ZNF385D: variants seen among roughly 807,000 people sequenced by gnomAD.
The protein encoded by ZNF385D is zinc finger protein 659.
A neutral mutation model predicts 35.8 loss-of-function variants in ZNF385D; 15 were observed. The ratio of observed to expected loss-of-function variants is 0.42; its 90% CI spans 0.28 to 0.64. The LOEUF (loss-of-function observed/expected upper bound fraction) is 0.64. Among genes scored for constraint, ZNF385D ranks in the 30% least tolerant of loss-of-function variants. The pLI is 0.23. For missense variants in ZNF385D, 474 were observed against 494.6 expected, an observed-to-expected ratio of 0.96 and a Z score of 0.39; for synonymous variants, 212 against 186.8, an observed-to-expected ratio of 1.13 and a Z score of -1.10.
intron 2 of ZNF385D, among the ~76,000 whole-genome samples, chr3:21,658,690 T>G (rs2066147187): frequency 1.3e-5 from 2 of 152,052 alleles, no homozygotes; most frequent in Non-Finnish European, 2.9e-5. Context: ...ATAAAAAATA[T>G]GCATATGGTA....
intron 2 of ZNF385D, among the ~76,000 whole-genome samples, chr3:22,335,556 C>T (rs1391766888): frequency 6.6e-6 from 1 of 152,008 alleles, no homozygotes; most frequent in African/African-American, 2.4e-5. Context: ...TATTGAATAC[C>T]CTCTTACAGA....
At chr3:22,331,185 C>T (rs1461585034) in intron 2 of ZNF385D, among the ~76,000 whole-genome samples, 1 of 152,162 alleles carries the variant, frequency 6.6e-6, no homozygotes, top group Non-Finnish European at 1.5e-5. Flanking sequence ...TTATTCTAAA[C>T]ATCAGTAATG....
At chr3:21,638,540 G>A (rs1263664165) in intron 2 of ZNF385D, among the ~76,000 whole-genome samples, 5 of 152,088 alleles carry the variant, frequency 3.3e-5, no homozygotes, top group African/African-American at 1.2e-4. Context: ...AGGAACCAAT[G>A]AGAACATAAA....
At chr3:22,045,986 G>A (rs981678095) in intron 3 of ZNF385D, among the ~76,000 whole-genome samples, 1 of 152,052 alleles carries the variant, frequency 6.6e-6, no homozygotes, top group Non-Finnish European at 1.5e-5. Context: ...GAAAAATAAT[G>A]AGGGAGGGAA....
At chr3:21,945,145 C>CGAATATGTAT (rs1491139694) in intron 3 of ZNF385D, among the ~76,000 whole-genome samples, 1 of 151,138 alleles carries the variant, frequency 6.6e-6, no homozygotes, top group African/African-American at 2.4e-5. Flanking sequence ...TATGTATATG[C>CGAATATGTAT]ATATATATAT....
chr3:22,306,047 A>G (rs1703194113), intron 2 of ZNF385D, among the ~76,000 whole-genome samples: 1 of 152,154 alleles, frequency 6.6e-6, no homozygotes, highest in Admixed American at 6.6e-5. Flanking sequence ...AAATTTGAAA[A>G]ATGTCTATAG....
chr3:21,512,319 C>A (rs530783754), intron 3 of ZNF385D, among the ~76,000 whole-genome samples: 1 of 151,904 alleles, frequency 6.6e-6, no homozygotes, highest in Non-Finnish European at 1.5e-5. Context: ...TCCAAATGTC[C>A]CCCACAAAAG....
chr3:21,704,985 A>G (rs2125395130), intron 1 of ZNF385D, among the ~76,000 whole-genome samples: 1 of 152,324 alleles, frequency 6.6e-6, no homozygotes, highest in Non-Finnish European at 1.5e-5. Flanking sequence ...GGTAAACTGC[A>G]GAGGCCCAAG....
intron 1 of ZNF385D, among the ~76,000 whole-genome samples, chr3:21,728,923 ATCTT>A (rs1336292899): frequency 1.3e-5 from 2 of 152,204 alleles, no homozygotes; most frequent in African/African-American, 2.4e-5. Flanking sequence ...GAGCACAGCT[ATCTT>A]TCTTTGTTTT....
At position 21,939,017 on chromosome 3, in the gene ZNF385D, G is replaced by T. The variant is rs143612132; in HGVS notation, c.325+229800C>A. 4.7e-4 allele frequency among the ~76,000 whole-genome samples: 71 copies of T among 152,306 alleles called. 1 individual carries two copies. The East Asian group carries it at 0.013, about 28-fold the overall frequency. Reference sequence around the variant, plus strand: ...GGTATCTGGAATTTGGTTGCTAGAAGTTCTGGATGTCACATTGATGGGGCA... The same window carrying T: ...GGTATCTGGAATTTGGTTGCTAGAATTTCTGGATGTCACATTGATGGGGCA... On this transcript the variant is annotated intron_variant, in intron 3 of 5. Transcript: ENST00000494108.
At chr3:22,004,244 T>C (rs1456575772) in intron 3 of ZNF385D, among the ~76,000 whole-genome samples, 2 of 152,104 alleles carry the variant, frequency 1.3e-5, no homozygotes, top group African/African-American at 4.8e-5. Flanking sequence ...TGGACATCCA[T>C]AGGCAGAAGA....
chr3:22,217,929 T>C lies in ZNF385D; in HGVS notation c.107-48894A>G, dbSNP rs1019325160. On this transcript the variant is annotated intron_variant, in intron 2 of 5. Transcript: ENST00000494108. ...GGAGAATATTAGAACAGCACTCCAATTGGTCACTCCCTCTCTTTCAAATTC... is the reference window on the plus strand; with the variant it reads ...GGAGAATATTAGAACAGCACTCCAACTGGTCACTCCCTCTCTTTCAAATTC... Among the ~76,000 whole-genome samples, 8 of 152,132 alleles carry C rather than the reference T, an allele frequency of 5.3e-5. No individual in the cohort carries two copies. In the South Asian group the frequency reaches 1.0e-3, roughly 20 times the overall value.
intron 3 of ZNF385D, among the ~76,000 whole-genome samples, chr3:22,075,562 C>T (rs1486618255): frequency 6.6e-6 from 1 of 151,864 alleles, no homozygotes; most frequent in Non-Finnish European, 1.5e-5. Flanking sequence ...TTTTCTCTTC[C>T]AGAATGACCA....
chr3:22,203,161 G>A (rs148986015), intron 2 of ZNF385D, among the ~76,000 whole-genome samples: 1 of 152,170 alleles, frequency 6.6e-6, no homozygotes, highest in Non-Finnish European at 1.5e-5. Flanking sequence ...AGAGAGGGAA[G>A]ACAAAGAGGA....
chr3:21,667,136 TAAG>T (rs1316622290), intron 1 of ZNF385D, among the ~76,000 whole-genome samples: 7 of 152,294 alleles, frequency 4.6e-5, no homozygotes, highest in South Asian at 2.1e-4. Context: ...TGGTGAAATT[TAAG>T]AAGTAGTTTT....
chr3:21,573,118 A>C (rs976883527), intron 2 of ZNF385D, among the ~76,000 whole-genome samples: 7 of 152,188 alleles, frequency 4.6e-5, no homozygotes, highest in African/African-American at 1.7e-4. Flanking sequence ...TTTCATCAGC[A>C]AAAGGAAAAA....
chr3:21,794,186 G>A lies in ZNF385D; in HGVS notation c.326-129158C>T, dbSNP rs556509721. On this transcript the variant is annotated intron_variant, in intron 3 of 5. Coordinates refer to the ZNF385D transcript ENST00000494108. ...CCTGATCTCTACCTTTGCGTTCTCC[G>A]CCACCATATGCAACTTGCTGCTTGG... Among the ~76,000 whole-genome samples the A allele has an allele frequency of 2.2e-4, 34 of 152,160 alleles. 1 individual carries two copies. The South Asian group carries it at 5.6e-3, about 25-fold the overall frequency.
chr3:22,214,817 T>C (rs570183808), intron 2 of ZNF385D, among the ~76,000 whole-genome samples: 1 of 152,180 alleles, frequency 6.6e-6, no homozygotes, highest in South Asian at 2.1e-4. Flanking sequence ...AATTTTAATT[T>C]TGCCCTGGTC....
intron 3 of ZNF385D, among the ~76,000 whole-genome samples, chr3:22,107,610 T>C (rs1477691581): frequency 6.6e-6 from 1 of 152,002 alleles, no homozygotes; most frequent in African/African-American, 2.4e-5. Flanking sequence ...ATAGAAACAA[T>C]ATATGCTTAC....
Sources: allele counts gnomAD v4.1 joint callset (sites outside exome capture counted in the v4.1 genomes callset), GRCh38; gene constraint gnomAD v4.1.1; transcripts MANE v1.5; gene names NCBI Gene and HGNC (gene_info 2026-07-23, HGNC 2026-07-21).